DNAH17: variants seen among roughly 807,000 people sequenced by gnomAD.
DNAH17 encodes the protein dynein axonemal heavy chain 17, also known as axonemal beta dynein heavy chain 17.
In DNAH17, 376 loss-of-function variants were observed where a neutral mutation model predicts 485.6. The observed-to-expected ratio is 0.77, with a 90% CI of 0.71 to 0.84. The LOEUF (loss-of-function observed/expected upper bound fraction) is 0.84, where lower values mean the gene tolerates loss of function less well. DNAH17 is among the 40% of genes least tolerant of loss of function. The probability of loss-of-function intolerance (pLI) is 0.00; values close to 1 mark genes in which losing one functional copy is unlikely to be tolerated. For missense variants in DNAH17, 6,370 were observed against 5,839.3 expected (o/e 1.09, Z -2.96); for synonymous variants, 3,031 against 2,405.9 (o/e 1.26, Z -7.60).
At chr17:78,452,671 G>A (rs1222617662) in intron 65 of DNAH17, among the ~76,000 whole-genome samples, 1 of 152,246 alleles carries the variant, frequency 6.6e-6, no homozygotes, top group Non-Finnish European at 1.5e-5. Flanking sequence ...CCAGGAGGCA[G>A]AGGCTGCAGT....
rs367877305 is a variant in DNAH17, at chr17:78,566,636, C to T, written c.1547G>A (p.Ser516Asn). The T allele has an allele frequency of 6.2e-7, 1 of 1,608,800 alleles. No individual in the cohort carries two copies. The highest frequency in any genetic ancestry group is 1.3e-5 in the African/African-American group (1 of 74,992). Residue 516 changes from serine (S) to asparagine (N), a missense_variant, in exon 11 of 81, where the codon AGC (serine) becomes AAC (asparagine). Ser to Asn is a conservative substitution (Grantham distance 46). Transcript: ENST00000389840. ...TIFCQGFDDC[S>N]CIKSSAKLLY... Reference sequence around the variant, plus strand: ...TACCTTTGCGGAGGACTTGATACAGCTGCAGTCATCAAATCCTTGGCAAAA... The same window carrying T: ...TACCTTTGCGGAGGACTTGATACAGTTGCAGTCATCAAATCCTTGGCAAAA...
rs1025751700 is a variant in DNAH17, at chr17:78,543,681, T to A, written c.2532+176A>T. The A allele has an allele frequency of 2.9e-5, 27 of 937,828 alleles. No homozygotes were observed. In the South Asian group the frequency reaches 3.6e-4, roughly 13 times the overall value. The allele number at this position is 937,828 out of a possible 1,614,324, so 58.1% of individuals were successfully genotyped here. ...ATTAGGTGATCCGCCCGACTCAGCC[T>A]CCCAGAGTGCTGGGATTACAGGTGA... On this transcript the variant is annotated intron_variant, in intron 17 of 80. Transcript: ENST00000389840.
chr17:78,500,469 T>A lies in DNAH17; in HGVS notation c.5484-8A>T. The A allele has an allele frequency of 6.4e-7, 1 of 1,561,730 alleles. No homozygotes were observed. On this transcript the variant is annotated splice_region_variant and splice_polypyrimidine_tract_variant and intron_variant, in intron 35 of 80. Transcript: ENST00000389840. ...GTCAGGGTGATATAGCACCTGCAAG[T>A]GACCACAGGTAAGCGTGTGTGCCAG...
intron 34 of DNAH17, 176 bp downstream of exon 34, chr17:78,501,566 G>A: frequency 9.8e-7 from 1 of 1,016,596 alleles, no homozygotes; most frequent in South Asian, 1.6e-5. Flanking sequence ...TCTGACTGCT[G>A]TGTGTTGCTC....
chr17:78,466,105 G>A (rs1388338588), intron 56 of DNAH17, among the ~76,000 whole-genome samples: 5 of 152,200 alleles, frequency 3.3e-5, no homozygotes, highest in African/African-American at 7.2e-5. Context: ...CTTCTGCCTT[G>A]GGATCCTGTT....
In DNAH17 at chr17:78,455,761, C is replaced by T. The variant is rs140126348; in HGVS notation, c.10053G>A (p.Thr3351=). The T allele has an allele frequency of 7.9e-4, 1,281 of 1,613,452 alleles. 14 individuals carry two copies. The African/African-American group carries it at 0.015, about 19-fold the overall frequency. ...AGATGAGCAGGACGTCCCCACACAG[C>T]GTGACCCCCTGGCTCCTGAAGTTCT... is the stretch of plus-strand genomic sequence containing the variant. ...SVENFRSQGV[T]LCGDVLLISA... Residue 3351 remains threonine, a synonymous_variant, in exon 63 of 81, where the codon ACG becomes ACA. Transcript: ENST00000389840.
intron 48 of DNAH17, 127 bp downstream of exon 48, chr17:78,484,741 C>CCCCCCG (rs2089515378): frequency 5.4e-6 from 2 of 370,150 alleles, no homozygotes; most frequent in Non-Finnish European, 8.5e-6. Flanking sequence ...GTTGCAGCAC[C>CCCCCCG]CCCCCCACCG....
At chr17:78,524,940 C>T (rs1215688211) in intron 25 of DNAH17, 69 bp downstream of exon 25, 8 of 1,543,944 alleles carry the variant, frequency 5.2e-6, no homozygotes, top group Middle Eastern at 1.7e-4. Flanking sequence ...CAGAGCCTGC[C>T]CTCTTGTTGC....
chr17:78,561,189 C>T (rs575310799), intron 12 of DNAH17, among the ~76,000 whole-genome samples: 1 of 152,246 alleles, frequency 6.6e-6, no homozygotes, highest in South Asian at 2.1e-4. Flanking sequence ...GACCGCCAGG[C>T]CTGGATGAAT....
Position 78,532,511 on chromosome 17 carries a change from G to A in DNAH17, c.3085C>T (p.Pro1029Ser). 1.9e-6 allele frequency: 3 copies of A among 1,611,014 alleles called. No homozygotes were observed. The highest frequency in any genetic ancestry group is 2.5e-6 in the Non-Finnish European group (3 of 1,179,016). ...TWTDDTIPKT[P>S]PTLAQFQEQI... ...TCCTGGAACTGAGCCAGGGTGGGCG[G>A]TGTCTTGGGGATGGTGTCATCTGTC... The change falls in exon 20 of 81, where the codon CCG becomes TCG. Residue 1029 changes from proline to serine, a missense_variant. Pro to Ser is a moderately conservative substitution (Grantham distance 74). Transcript: ENST00000389840.
At position 78,445,671 on chromosome 17, in the gene DNAH17, T is replaced by C. The variant is rs763093657; in HGVS notation, c.11221A>G (p.Met3741Val). 9.4e-6 allele frequency: 15 copies of C among 1,587,972 alleles called. No individual in the cohort carries two copies. The highest frequency in any genetic ancestry group is 8.1e-5 in the African/African-American group (6 of 74,512). The change falls in exon 70 of 81, where the codon ATG becomes GTG. Residue 3741 changes from methionine to valine, a missense_variant. By Grantham distance (21) the Met-to-Val change is conservative. Transcript: ENST00000389840. ...TCCACTGGGTTCAGCTCCTTCTTCA[T>C]GGACAGGACCTGGGGGAACATCGAG... ...LAQVTFQVLS[M>V]KKELNPVELD...
intron 19 of DNAH17, among the ~76,000 whole-genome samples, chr17:78,534,664 A>G (rs1326939863): frequency 6.6e-6 from 1 of 152,204 alleles, no homozygotes; most frequent in Non-Finnish European, 1.5e-5. Context: ...TGTCCCCTGC[A>G]GTCCTTTGGA....
chr17:78,447,859 C>T (rs1003783136), intron 69 of DNAH17, among the ~76,000 whole-genome samples: 5 of 117,738 alleles, frequency 4.2e-5, no homozygotes, highest in African/African-American at 9.5e-5. Flanking sequence ...TAGCAAGACC[C>T]TGTTTCTTTA....
intron 75 of DNAH17, among the ~76,000 whole-genome samples, chr17:78,430,512 A>G (rs2086636142): frequency 6.6e-6 from 1 of 152,196 alleles, no homozygotes; most frequent in East Asian, 1.9e-4. Context: ...GAGTTCATTG[A>G]ATAAGAATCA....
intron 16 of DNAH17, among the ~76,000 whole-genome samples, chr17:78,549,041 G>T (rs765311786): frequency 6.6e-6 from 1 of 152,218 alleles, no homozygotes; most frequent in Non-Finnish European, 1.5e-5. Context: ...CCAGTTTAGT[G>T]ATTATTCTCC....
At chr17:78,542,381 C>G (rs1227130512) in intron 17 of DNAH17, among the ~76,000 whole-genome samples, 3 of 152,120 alleles carry the variant, frequency 2.0e-5, no homozygotes, top group African/African-American at 4.8e-5. Flanking sequence ...CTCCTGACGT[C>G]AAGTGATCCA....
In DNAH17 at chr17:78,468,857, C is replaced by T. The variant is rs1367401953; in HGVS notation, c.8538G>A (p.Lys2846=). The T allele has an allele frequency of 6.2e-7, 1 of 1,613,876 alleles. No homozygotes were observed. Among genetic ancestry groups the T allele is most frequent in the East Asian group, 2.2e-5 (1 of 44,884 alleles). ...LKIDLAAQYI[K]AAVKNVPSVF... is the part of the protein sequence containing the mutation. Reference sequence around the variant, plus strand: ...CCGAGGGAACGTTCTTCACGGCAGCCTTTATGTACTGAGCAGCGAGGTCAA... The same window carrying T: ...CCGAGGGAACGTTCTTCACGGCAGCTTTTATGTACTGAGCAGCGAGGTCAA... Residue 2846 remains lysine, a synonymous_variant, in exon 55 of 81, where the codon AAG becomes AAA. Coordinates refer to ENST00000389840, the MANE Select transcript of DNAH17 (RefSeq NM_173628.4).
chr17:78,501,013 G>C (rs979137738), intron 35 of DNAH17, 171 bp downstream of exon 35: 3 of 695,000 alleles, frequency 4.3e-6, no homozygotes, highest in South Asian at 3.5e-5. Context: ...CCACACAGCC[G>C]GTGCTAGAAC....
chr17:78,518,331 G>GA (rs1327695070), intron 25 of DNAH17, among the ~76,000 whole-genome samples: 1 of 151,980 alleles, frequency 6.6e-6, no homozygotes, highest in Non-Finnish European at 1.5e-5. Flanking sequence ...AAAAACAATA[G>GA]AAAAAACAGA....
Sources: gnomAD v4.1 joint callset for allele counts (sites outside exome capture counted in the v4.1 genomes callset) on GRCh38, gnomAD v4.1.1 for gene constraint, MANE v1.5 for transcripts, NCBI Gene and HGNC (gene_info 2026-07-23, HGNC 2026-07-21) for gene names.